The following SIPA1L1 variants were observed in gnomAD, a reference collection of about 807,000 sequenced individuals.
SIPA1L1 encodes the protein signal-induced proliferation-associated 1-like protein 1.
Under a neutral mutation model 162.7 loss-of-function variants are expected in SIPA1L1, and 26 were observed. That is an observed-to-expected ratio of 0.16 (90% CI 0.12 to 0.22). SIPA1L1 has a LOEUF of 0.22. Ranked by LOEUF, SIPA1L1 falls within the 10% of genes least tolerant of loss-of-function variation. The pLI is 1.00. For missense variants in SIPA1L1, 1,874 were observed against 2,241.0 expected, an observed-to-expected ratio of 0.84 and a Z score of 3.31; for synonymous variants, 829 against 837.4, an observed-to-expected ratio of 0.99 and a Z score of 0.17.
chr14:71,383,142 T>G (rs2040039702), intron 2 of SIPA1L1, among the ~76,000 whole-genome samples: 2 of 152,256 alleles, frequency 1.3e-5, no homozygotes. Flanking sequence ...GTTTATTGAA[T>G]GTTTAACTTG....
chr14:71,594,373 A>T (rs1433369387), intron 5 of SIPA1L1, among the ~76,000 whole-genome samples: 1 of 152,226 alleles, frequency 6.6e-6, no homozygotes, highest in Non-Finnish European at 1.5e-5. Context: ...AACATCAGGG[A>T]ATATGATTAG....
At chr14:71,500,832 C>A (rs1010165128) in intron 2 of SIPA1L1, among the ~76,000 whole-genome samples, 6 of 151,248 alleles carry the variant, frequency 4.0e-5, no homozygotes, top group African/African-American at 1.2e-4. Context: ...CATGGAGAAA[C>A]CCCATCTCTA....
intron 7 of SIPA1L1, among the ~76,000 whole-genome samples, chr14:71,646,207 T>C (rs1314779508): frequency 6.6e-6 from 1 of 151,080 alleles, no homozygotes; most frequent in African/African-American, 2.4e-5. Flanking sequence ...GACGGAGTCT[T>C]GCTCCGTCTC....
At chr14:71,442,621 G>C (rs2044994386) in intron 2 of SIPA1L1, among the ~76,000 whole-genome samples, 1 of 152,088 alleles carries the variant, frequency 6.6e-6, no homozygotes, top group Non-Finnish European at 1.5e-5. Flanking sequence ...GGAGAAAACA[G>C]TGATTGTTTA....
intron 9 of SIPA1L1, among the ~76,000 whole-genome samples, chr14:71,660,573 T>C (rs1386004561): frequency 2.0e-5 from 3 of 152,126 alleles, no homozygotes; most frequent in African/African-American, 7.2e-5. Context: ...TCACACTTAG[T>C]TGTTTTTCTT....
At chr14:71,596,520 T>C (rs36055053) in intron 5 of SIPA1L1, among the ~76,000 whole-genome samples, 19,248 of 152,170 alleles carry the variant, frequency 0.13, 1,746 homozygotes, top group Non-Finnish European at 0.2. Flanking sequence ...AGTACCTTCA[T>C]TTTTTTTAAA....
chr14:71,709,313 A>G lies in SIPA1L1; in HGVS notation c.3857A>G (p.Asp1286Gly). The G allele has an allele frequency of 6.2e-7, 1 of 1,614,212 alleles. No individual in the cohort carries two copies. The highest frequency in any genetic ancestry group is 1.1e-5 in the South Asian group (1 of 91,082). The change falls in exon 17 of 24, where the codon GAC (aspartate) becomes GGC (glycine). Residue 1286 changes from aspartate to glycine, a missense_variant. By Grantham distance (94) the Asp-to-Gly change is moderately conservative. Transcript: ENST00000381232. ...AGTGATGAGAAGTGGTACGATGGGG[A>G]CCGCACAGAATCCGAACTCAACAGC... ...AHSDEKWYDG[D>G]RTESELNSYN... is the part of the protein sequence containing the mutation.
intron 12 of SIPA1L1, among the ~76,000 whole-genome samples, chr14:71,679,087 G>A (rs949250069): frequency 4.6e-5 from 7 of 151,942 alleles, no homozygotes; most frequent in African/African-American, 1.5e-4. Flanking sequence ...TACAGAGAAC[G>A]CCACAAAGAT....
At chr14:71,707,950 A>G (rs1235608197) in intron 16 of SIPA1L1, among the ~76,000 whole-genome samples, 3 of 137,718 alleles carry the variant, frequency 2.2e-5, no homozygotes, top group African/African-American at 8.3e-5. Flanking sequence ...TTTGATTCGT[A>G]TTTCCCTAAT....
At chr14:71,384,971 A>C (rs2040202992) in intron 2 of SIPA1L1, among the ~76,000 whole-genome samples, 1 of 152,170 alleles carries the variant, frequency 6.6e-6, no homozygotes, top group Non-Finnish European at 1.5e-5. Flanking sequence ...AGTCAGGGTT[A>C]ATCGGACTTG....
chr14:71,599,845 G>A (rs186487994), intron 5 of SIPA1L1, among the ~76,000 whole-genome samples: 1 of 152,040 alleles, frequency 6.6e-6, no homozygotes, highest in East Asian at 1.9e-4. Flanking sequence ...TTGTGGTTTT[G>A]CTTTGCATTC....
intron 5 of SIPA1L1, among the ~76,000 whole-genome samples, chr14:71,591,908 G>T (rs1041959170): frequency 2.6e-5 from 4 of 152,076 alleles, no homozygotes. Flanking sequence ...TATTAAGTTT[G>T]TATAAAGCCT....
intron 7 of SIPA1L1, among the ~76,000 whole-genome samples, chr14:71,644,624 G>GTT (rs2042004238): frequency 6.6e-6 from 1 of 152,198 alleles, no homozygotes. Flanking sequence ...GATTTTATAA[G>GTT]TGTTTGTTTA....
At chr14:71,407,951 A>C (rs1421438753) in intron 2 of SIPA1L1, among the ~76,000 whole-genome samples, 3 of 152,166 alleles carry the variant, frequency 2.0e-5, no homozygotes, top group African/African-American at 7.2e-5. Flanking sequence ...GAAAGTCAAC[A>C]ATGGAAAGAC....
At chr14:71,714,849 A>G (rs1358350965) in intron 17 of SIPA1L1, among the ~76,000 whole-genome samples, 1 of 152,226 alleles carries the variant, frequency 6.6e-6, no homozygotes, top group Non-Finnish European at 1.5e-5. Context: ...CCCATAGTGC[A>G]GGAATTACCG....
chr14:71,708,299 G>A (rs1369508374), intron 16 of SIPA1L1, among the ~76,000 whole-genome samples: 1 of 150,780 alleles, frequency 6.6e-6, no homozygotes, highest in African/African-American at 2.4e-5. Flanking sequence ...TATATGGTAA[G>A]GATCCAACTT....
intron 8 of SIPA1L1, among the ~76,000 whole-genome samples, chr14:71,652,121 G>C (rs1055144974): frequency 1.3e-5 from 2 of 152,146 alleles, no homozygotes; most frequent in Non-Finnish European, 2.9e-5. Flanking sequence ...ACGAAAAGTA[G>C]GGAAGTATTC....
At chr14:71,631,780 G>A (rs1277920105) in intron 7 of SIPA1L1, among the ~76,000 whole-genome samples, 1 of 152,094 alleles carries the variant, frequency 6.6e-6, no homozygotes, top group East Asian at 1.9e-4. Flanking sequence ...ATTTTTGTTA[G>A]TAATTCCCAA....
chr14:71,677,523 G>C (rs1418613145), intron 12 of SIPA1L1, among the ~76,000 whole-genome samples: 2 of 152,150 alleles, frequency 1.3e-5, no homozygotes, highest in Non-Finnish European at 2.9e-5. Flanking sequence ...ATTACTTTTG[G>C]TGTTTTAGTC....
Sources: gnomAD v4.1 joint callset for allele counts (sites outside exome capture counted in the v4.1 genomes callset) on GRCh38, gnomAD v4.1.1 for gene constraint, MANE v1.5 for transcripts, NCBI Gene and HGNC (gene_info 2026-07-23, HGNC 2026-07-21) for gene names.